Variants in SSC4D observed in about 807,000 individuals in gnomAD.
The protein encoded by SSC4D is scavenger receptor cysteine-rich domain-containing group B protein.
A neutral mutation model predicts 63.4 loss-of-function variants in SSC4D; 57 were observed. That is an observed-to-expected ratio of 0.90 (90% CI 0.73 to 1.12). The LOEUF (loss-of-function observed/expected upper bound fraction) is 1.12. Ranked by LOEUF, SSC4D falls within the 50% of genes most tolerant of loss-of-function variation. SSC4D has a pLI of 0.00. For synonymous variants in SSC4D, 352 were observed against 345.4 expected, an observed-to-expected ratio of 1.02 and a Z score of -0.21; for missense variants, 791 against 806.4, an observed-to-expected ratio of 0.98 and a Z score of 0.23.
At position 76,400,536 on chromosome 7, in the gene SSC4D, G is replaced by T; in HGVS notation, c.225C>A (p.His75Gln). The change falls in exon 4 of 11, where the codon CAC (histidine) becomes CAA (glutamine). Residue 75 changes from histidine to glutamine, a missense_variant. Transcript: ENST00000275560. ...CACAGACGCTGCCCCAGGAGCCACCGTGCATGACTTCCAGGCGGCCCCGGC... is the reference window on the plus strand; with the variant it reads ...CACAGACGCTGCCCCAGGAGCCACCTTGCATGACTTCCAGGCGGCCCCGGC... ...SRCRGRLEVMHGGSWGSVCDD... is the reference protein window; with the variant it reads ...SRCRGRLEVMQGGSWGSVCDD... The T allele has an allele frequency of 6.4e-7, 1 of 1,556,622 alleles. No homozygotes were observed. The highest frequency in any genetic ancestry group is 1.2e-5 in the South Asian group (1 of 85,606).
chr7:76,404,582 AG>A (rs752537885), intron 1 of SSC4D, 77 bp from the exon 2 acceptor site: 1 of 1,272,370 alleles, frequency 7.9e-7, no homozygotes. Flanking sequence ...GCTTGCACCC[AG>A]GGGTTTGAGA....
In SSC4D at chr7:76,393,402, C is replaced by A; in HGVS notation, c.1333+3G>T. The A allele has an allele frequency of 7.0e-7, 1 of 1,431,992 alleles. No homozygotes were observed. The highest frequency in any genetic ancestry group is 1.5e-5 in the South Asian group (1 of 68,414). 88.7% of individuals were successfully genotyped at this position (1,431,992 alleles called of 1,614,324 possible). ...TCAGCCTCACCTTCGCTGTCAGCCT[C>A]ACCTGCGCAGAGCGCTCCCGCGTCC... On this transcript the variant is annotated splice_donor_region_variant and intron_variant, in intron 9 of 10. Coordinates refer to ENST00000275560, the MANE Select transcript of SSC4D (RefSeq NM_080744.2).
Position 76,404,372 on chromosome 7 carries a change from C to G in SSC4D, c.68G>C (p.Gly23Ala). ...GAAGGGAGGGGCAGCACTCCCATCT[C>G]CCAACCTCCACCCCCAGCGCTTCTC... The part of the protein sequence containing the change: ...LDEKRWGWRL[G>A]DGSAAPPFLP... The change falls in exon 2 of 11, where the codon GGA becomes GCA. Residue 23 changes from glycine (G) to alanine (A), a missense_variant. Gly to Ala is a moderately conservative substitution (Grantham distance 60). Coordinates refer to ENST00000275560, the MANE Select transcript of SSC4D (RefSeq NM_080744.2). 3.7e-6 allele frequency: 6 copies of G among 1,613,762 alleles called. No homozygotes were observed. The highest frequency in any genetic ancestry group is 5.1e-6 in the Non-Finnish European group (6 of 1,179,878).
At chr7:76,393,230 G>T (rs1804533195) in intron 9 of SSC4D, among the ~76,000 whole-genome samples, 175 bp downstream of exon 9, 2 of 151,338 alleles carry the variant, frequency 1.3e-5, no homozygotes, top group South Asian at 4.2e-4. Context: ...TTCCGGCCTC[G>T]CCCCGCCGCG....
intron 6 of SSC4D, among the ~76,000 whole-genome samples, chr7:76,395,984 C>T (rs976328544): frequency 4.6e-5 from 7 of 152,356 alleles, no homozygotes; most frequent in East Asian, 3.9e-4. Flanking sequence ...CGTGAGCCAC[C>T]GCGCCCAGCC....
At chr7:76,405,644 T>C (rs2115810509) in intron 1 of SSC4D, among the ~76,000 whole-genome samples, 1 of 152,110 alleles carries the variant, frequency 6.6e-6, no homozygotes. Context: ...GAAAATGACA[T>C]TTCCACTTGC....
chr7:76,392,296 C>T (rs1157184351), intron 9 of SSC4D, among the ~76,000 whole-genome samples: 1 of 152,082 alleles, frequency 6.6e-6, no homozygotes, highest in African/African-American at 2.4e-5. Flanking sequence ...CACCTGTAAT[C>T]CCAGCACTTT....
intron 2 of SSC4D, 39 bp from the exon 3 acceptor site, chr7:76,401,082 A>G (rs1345581851): frequency 6.6e-7 from 1 of 1,510,132 alleles, no homozygotes; most frequent in Non-Finnish European, 8.9e-7. Flanking sequence ...CCCTCTGCCC[A>G]CACCATGGCT....
intron 7 of SSC4D, 87 bp downstream of exon 7, chr7:76,395,166 C>T (rs1266866974): frequency 6.6e-6 from 10 of 1,510,480 alleles, no homozygotes; most frequent in African/African-American, 5.5e-5. Context: ...CCAGGGCCCC[C>T]GCCTGTGAAT....
At chr7:76,404,679 C>T (rs1804942653) in intron 1 of SSC4D, among the ~76,000 whole-genome samples, 174 bp from the exon 2 acceptor site, 3 of 152,074 alleles carry the variant, frequency 2.0e-5, no homozygotes, top group Admixed American at 6.6e-5. Flanking sequence ...GCCTGTAATC[C>T]CAGCACTTTG....
At position 76,404,354 on chromosome 7, in the gene SSC4D, G is replaced by A. The variant is rs1804929474; in HGVS notation, c.86C>T (p.Pro29Leu). 6.2e-7 allele frequency: 1 copy of A among 1,613,074 alleles called. No individual in the cohort carries two copies. Among genetic ancestry groups the A allele is most frequent in the African/African-American group, 1.3e-5 (1 of 74,886 alleles). Residue 29 changes from proline (P) to leucine (L), a missense_variant, in exon 2 of 11, where the codon CCT (proline) becomes CTT (leucine). By Grantham distance (98) the Pro-to-Leu change is moderately conservative. Transcript: ENST00000275560. ...GWRLGDGSAAPPFLPQALSFL... is the reference protein window; with the variant it reads ...GWRLGDGSAALPFLPQALSFL... Reference sequence around the variant, plus strand: ...AGACAGGGCTTGGGGGAGGAAGGGAGGGGCAGCACTCCCATCTCCCAACCT... The same window carrying A: ...AGACAGGGCTTGGGGGAGGAAGGGAAGGGCAGCACTCCCATCTCCCAACCT...
chr7:76,404,616 AC>A, intron 1 of SSC4D, 111 bp from the exon 2 acceptor site: 1 of 823,102 alleles, frequency 1.2e-6, no homozygotes, highest in Non-Finnish European at 1.9e-6. Flanking sequence ...ACATAGTGAG[AC>A]CCCCATCTCT....
chr7:76,402,839 G>A (rs1002064919), intron 2 of SSC4D, among the ~76,000 whole-genome samples: 39 of 151,754 alleles, frequency 2.6e-4, no homozygotes, highest in African/African-American at 9.2e-4. Flanking sequence ...GGCTAATTTT[G>A]TATTTTTAGT....
chr7:76,390,796 G>C (rs1253190605), intron 10 of SSC4D, among the ~76,000 whole-genome samples: 1 of 152,032 alleles, frequency 6.6e-6, no homozygotes, highest in Non-Finnish European at 1.5e-5. Context: ...CAGCCTGGGC[G>C]ACAGAGTGAG....
chr7:76,396,848 G>A (rs925204526), intron 6 of SSC4D, among the ~76,000 whole-genome samples: 2 of 152,192 alleles, frequency 1.3e-5, no homozygotes, highest in Admixed American at 6.6e-5. Context: ...GGGCCTAGGT[G>A]GGGAGAAAAT....
chr7:76,397,518 C>T lies in SSC4D; in HGVS notation c.868G>A (p.Gly290Ser), dbSNP rs762617949. 39 of 1,543,564 alleles carry T rather than the reference C, an allele frequency of 2.5e-5. No homozygotes were observed. The highest frequency in any genetic ancestry group is 3.1e-5 in the Non-Finnish European group (36 of 1,146,204). ...HHEDAGALCA[G>S]LGPPTLTALP... ...CGCCCATCGCCCCTAGAGCCCGCAC[C>T]TGCGCAGAGCGCGCCCGCGTCCTCG... Residue 290 changes from glycine to serine, a missense_variant and splice_region_variant, in exon 6 of 11, where the codon GGC becomes AGC. Physicochemically the swap from Gly to Ser is moderately conservative, Grantham distance 56 (BLOSUM62 0). Transcript: ENST00000275560.
chr7:76,389,983 C>G lies in SSC4D; in HGVS notation c.*76G>C. The G allele has an allele frequency of 1.9e-6, 3 of 1,586,308 alleles. No individual in the cohort carries two copies. Among genetic ancestry groups the G allele is most frequent in the Non-Finnish European group, 2.6e-6 (3 of 1,161,618 alleles). Reference sequence around the variant, plus strand: ...GGGGCAAAGTGAACTGTAGTCATCACAAGAGGAGGGCTTCCTGGAGGAGGA... The same window carrying G: ...GGGGCAAAGTGAACTGTAGTCATCAGAAGAGGAGGGCTTCCTGGAGGAGGA... On this transcript the variant is annotated 3_prime_UTR_variant, in exon 11 of 11. Transcript: ENST00000275560.
In SSC4D at chr7:76,399,097, C is replaced by T. The variant is rs143196427; in HGVS notation, c.476-300G>A. ...TGCAATCTCAGCTTGCTGCAACCTC[C>T]GCCTCCCTGGTTAAAGCAATTTGCC... is the stretch of plus-strand genomic sequence containing the variant. On this transcript the variant is annotated intron_variant, in intron 4 of 10. Transcript: ENST00000275560. Among the ~76,000 whole-genome samples the T allele has an allele frequency of 3.0e-3, 461 of 152,138 alleles. 3 individuals carry two copies. Among genetic ancestry groups the T allele is most frequent in the African/African-American group, 0.01 (435 of 41,516 alleles).
At chr7:76,398,479 A>AT (rs1437191543) in intron 5 of SSC4D, among the ~76,000 whole-genome samples, 1 of 151,774 alleles carries the variant, frequency 6.6e-6, no homozygotes, top group African/African-American at 2.4e-5. Context: ...TAATTTTTGT[A>AT]TTTTTTGTAG....
Sources: gnomAD v4.1 joint callset for allele counts (sites outside exome capture counted in the v4.1 genomes callset) on GRCh38, gnomAD v4.1.1 for gene constraint, MANE v1.5 for transcripts, NCBI Gene and HGNC (gene_info 2026-07-23, HGNC 2026-07-21) for gene names.